TNNI3K: variants seen among roughly 807,000 people sequenced by gnomAD.
TNNI3K encodes the protein serine/threonine-protein kinase TNNI3K.
Under a neutral mutation model 114.5 loss-of-function variants are expected in TNNI3K, and 140 were observed. The ratio of observed to expected loss-of-function variants is 1.22; its 90% CI spans 1.07 to 1.41. TNNI3K has a LOEUF of 1.41. Ranked by LOEUF, TNNI3K falls within the 40% of genes most tolerant of loss-of-function variation. The pLI is 0.00. For synonymous variants in TNNI3K, 347 were observed against 347.5 expected, an observed-to-expected ratio of 1.00 and a Z score of 0.02; for missense variants, 1,125 against 1,007.6, an observed-to-expected ratio of 1.12 and a Z score of -1.58.
At chr1:74,388,808 T>C (rs1012261448) in intron 17 of TNNI3K, among the ~76,000 whole-genome samples, 3 of 152,222 alleles carry the variant, frequency 2.0e-5, no homozygotes, top group Non-Finnish European at 4.4e-5. Context: ...CATACTAACC[T>C]TCCATACTGC....
chr1:74,346,247 G>C (rs1275093734), intron 9 of TNNI3K: 1 of 152,118 alleles, frequency 6.6e-6, no homozygotes, highest in Non-Finnish European at 1.5e-5. Flanking sequence ...TCAGTAAAAT[G>C]AAAGCTTTGA....
At position 74,361,764 on chromosome 1, in the gene TNNI3K, G is replaced by A. The variant is rs781079609; in HGVS notation, c.1178-5492G>A. Among the ~76,000 whole-genome samples, 5 of 152,216 alleles carry A rather than the reference G, an allele frequency of 3.3e-5. No homozygotes were observed. The Middle Eastern group carries it at 0.01, about 311-fold the overall frequency. On this transcript the variant is annotated intron_variant, in intron 11 of 24. Coordinates refer to ENST00000326637, the MANE Select transcript of TNNI3K (RefSeq NM_015978.3). ...GGAAGGGGAAGGTCTCTCTGGGAAG[G>A]TGTTATTGGAGCTGGCCCCTCATAG...
intron 2 of TNNI3K, among the ~76,000 whole-genome samples, chr1:74,244,251 T>G (rs1403181917): frequency 6.6e-6 from 1 of 152,112 alleles, no homozygotes; most frequent in Non-Finnish European, 1.5e-5. Context: ...TATTCTCTGT[T>G]GATTCATTTT....
chr1:74,245,676 T>G (rs369551016), intron 2 of TNNI3K, among the ~76,000 whole-genome samples: 1 of 152,180 alleles, frequency 6.6e-6, no homozygotes, highest in African/African-American at 2.4e-5. Flanking sequence ...GCTATTGGAA[T>G]TTTAAAATAG....
At chr1:74,314,737 A>T (rs1340486762) in intron 5 of TNNI3K, among the ~76,000 whole-genome samples, 1 of 152,162 alleles carries the variant, frequency 6.6e-6, no homozygotes, top group Non-Finnish European at 1.5e-5. Flanking sequence ...ATAGTGAAAA[A>T]ATATATATGT....
intron 23 of TNNI3K, among the ~76,000 whole-genome samples, chr1:74,501,171 T>C (rs2100341181): frequency 6.6e-6 from 1 of 152,330 alleles, no homozygotes; most frequent in East Asian, 1.9e-4. Context: ...TCCCACCCTT[T>C]ACTTTCTCTA....
intron 20 of TNNI3K, among the ~76,000 whole-genome samples, chr1:74,460,581 A>G (rs115017324): frequency 0.016 from 2,437 of 152,364 alleles, 23 homozygotes; most frequent in Non-Finnish European, 0.026. Flanking sequence ...TGTAGCAATC[A>G]AGGTAAAAAT....
At chr1:74,317,587 G>T (rs1659383450) in intron 5 of TNNI3K, among the ~76,000 whole-genome samples, 1 of 152,156 alleles carries the variant, frequency 6.6e-6, no homozygotes, top group Admixed American at 6.5e-5. Context: ...TAGGGAATAT[G>T]GTGGAATGGA....
chr1:74,439,530 C>G lies in TNNI3K; in HGVS notation c.1919C>G (p.Thr640Ser). 1 of 1,613,484 alleles carries G rather than the reference C, an allele frequency of 6.2e-7. No individual in the cohort carries two copies. The highest frequency in any genetic ancestry group is 8.5e-7 in the Non-Finnish European group (1 of 1,179,658). ...WMAPEVFTQC[T>S]RYTIKADVFS... ...GCTCCTGAGGTGTTCACGCAGTGCACTCGGTACACCATCAAAGCAGATGTC... is the reference window on the plus strand; with the variant it reads ...GCTCCTGAGGTGTTCACGCAGTGCAGTCGGTACACCATCAAAGCAGATGTC... Residue 640 changes from threonine (T) to serine (S), a missense_variant, in exon 20 of 25, where the codon ACT becomes AGT. Transcript: ENST00000326637.
chr1:74,543,282 C>T (rs1311684198), intron 24 of TNNI3K, among the ~76,000 whole-genome samples: 1 of 151,940 alleles, frequency 6.6e-6, no homozygotes, highest in East Asian at 1.9e-4. Context: ...CCATATTGAC[C>T]AGGATGGTCT....
chr1:74,333,340 A>G (rs995875558), intron 6 of TNNI3K, among the ~76,000 whole-genome samples: 3 of 152,228 alleles, frequency 2.0e-5, no homozygotes, highest in African/African-American at 4.8e-5. Flanking sequence ...CACTGAAAAT[A>G]CTTTTAGAAG....
intron 23 of TNNI3K, among the ~76,000 whole-genome samples, chr1:74,513,959 T>C (rs1235786945): frequency 6.6e-6 from 1 of 152,168 alleles, no homozygotes; most frequent in East Asian, 1.9e-4. Context: ...TAAATAATCT[T>C]CCAAAAACTA....
At chr1:74,369,369 T>A (rs996544838) in intron 15 of TNNI3K, 22 bp from the exon 16 acceptor site, 1 of 1,606,434 alleles carries the variant, frequency 6.2e-7, no homozygotes, top group Non-Finnish European at 8.5e-7. Context: ...TACTGAAGAT[T>A]TTCTGTTGCT....
chr1:74,296,083 G>A (rs1415382525), intron 5 of TNNI3K, among the ~76,000 whole-genome samples: 4 of 202 alleles, frequency 0.02, no homozygotes, highest in African/African-American at 0.087. Flanking sequence ...AGACCATCCT[G>A]GCTAACACTG....
intron 23 of TNNI3K, among the ~76,000 whole-genome samples, chr1:74,518,898 A>G (rs1265067557): frequency 4.2e-5 from 2 of 47,084 alleles, no homozygotes; most frequent in African/African-American, 1.4e-4. Flanking sequence ...TTTTTTTATT[A>G]TACTCTAAGT....
At chr1:74,337,266 G>A (rs1383045026) in intron 7 of TNNI3K, among the ~76,000 whole-genome samples, 5 of 151,768 alleles carry the variant, frequency 3.3e-5, no homozygotes, top group African/African-American at 1.2e-4. Flanking sequence ...TGTCAGATGA[G>A]TAGGTTGCGA....
intron 17 of TNNI3K, among the ~76,000 whole-genome samples, chr1:74,423,317 T>C (rs987589842): frequency 9.9e-5 from 15 of 152,094 alleles, no homozygotes; most frequent in Non-Finnish European, 1.8e-4. Flanking sequence ...ACTGCGCTCT[T>C]CTAACACTCA....
At chr1:74,349,809 G>A (rs1661230526) in intron 9 of TNNI3K, among the ~76,000 whole-genome samples, 1 of 152,140 alleles carries the variant, frequency 6.6e-6, no homozygotes, top group Admixed American at 6.6e-5. Context: ...TGTGGGATCG[G>A]TGGTGATATC....
At position 74,396,707 on chromosome 1, in the gene TNNI3K, G is replaced by A. The variant is rs557455241; in HGVS notation, c.1772+26315G>A. On this transcript the variant is annotated intron_variant, in intron 17 of 24. Transcript: ENST00000326637. ...AATGGGTTCAAATACAAGTCCTTAGGGAGCTAATAATTAGAGGGATTAGAG... is the reference window on the plus strand; with the variant it reads ...AATGGGTTCAAATACAAGTCCTTAGAGAGCTAATAATTAGAGGGATTAGAG... Among the ~76,000 whole-genome samples the A allele has an allele frequency of 2.7e-3, 416 of 152,236 alleles. 3 individuals are homozygous for A. The highest frequency in any genetic ancestry group is 5.3e-3 in the Non-Finnish European group (362 of 68,022).
Sources: allele counts gnomAD v4.1 joint callset (sites outside exome capture counted in the v4.1 genomes callset), GRCh38; gene constraint gnomAD v4.1.1; transcripts MANE v1.5; gene names NCBI Gene and HGNC (gene_info 2026-07-23, HGNC 2026-07-21).